CA8: variants seen among roughly 807,000 people sequenced by gnomAD.
CA8 encodes the protein carbonic anhydrase 8 (inactive).
A neutral mutation model predicts 41.4 loss-of-function variants in CA8; 22 were observed. That is an observed-to-expected ratio of 0.53 (90% CI 0.38 to 0.76). The LOEUF (loss-of-function observed/expected upper bound fraction) is 0.76, where lower values mean the gene tolerates loss of function less well. Ranked by LOEUF, CA8 falls within the 30% of genes least tolerant of loss-of-function variation. CA8 has a pLI of 0.00. For missense variants in CA8, 270 were observed against 352.8 expected (o/e 0.77, Z 1.88); for synonymous variants, 121 against 130.6 (o/e 0.93, Z 0.50).
At chr8:60,191,818 T>G (rs1217088930) in intron 8 of CA8, among the ~76,000 whole-genome samples, 1 of 152,152 alleles carries the variant, frequency 6.6e-6, no homozygotes, top group Non-Finnish European at 1.5e-5. Context: ...ACAGTCATTC[T>G]AATCATACGA....
At chr8:60,233,854 C>T (rs1223568558) in intron 3 of CA8, among the ~76,000 whole-genome samples, 1 of 152,140 alleles carries the variant, frequency 6.6e-6, no homozygotes, top group Non-Finnish European at 1.5e-5. Flanking sequence ...TTTCCCTACT[C>T]CCCACAATTC....
chr8:60,196,274 T>C (rs79165587), intron 8 of CA8, among the ~76,000 whole-genome samples: 3,126 of 152,308 alleles, frequency 0.021, 53 homozygotes, highest in Non-Finnish European at 0.033. Flanking sequence ...ATTGCTCACA[T>C]TTAATGCTAA....
chr8:60,270,102 C>T (rs142863135), intron 2 of CA8, among the ~76,000 whole-genome samples: 23 of 152,328 alleles, frequency 1.5e-4, no homozygotes, highest in African/African-American at 5.3e-4. Flanking sequence ...GACATGCAGC[C>T]TATGCTTACG....
intron 5 of CA8, among the ~76,000 whole-genome samples, chr8:60,225,511 T>C (rs1313670724): frequency 4.6e-5 from 7 of 152,180 alleles, no homozygotes; most frequent in Non-Finnish European, 7.3e-5. Context: ...TGTGCCCTTA[T>C]TGTCTTTTTA....
chr8:60,185,924 C>G lies in CA8; in HGVS notation c.*4097G>C, dbSNP rs74539820. Among the ~76,000 whole-genome samples, 59 of 151,846 alleles carry G rather than the reference C, an allele frequency of 3.9e-4. No individual in the cohort carries two copies. The East Asian group carries it at 0.01, about 26-fold the overall frequency. ...CAGTATAAATGCATTTCTTCCTTCT[C>G]TTAAAGAGCAATTGTATAAAATATC... On this transcript the variant is annotated 3_prime_UTR_variant, in exon 9 of 9. Coordinates refer to ENST00000317995, the MANE Select transcript of CA8 (RefSeq NM_004056.6).
chr8:60,240,517 T>C (rs917626031), intron 3 of CA8, among the ~76,000 whole-genome samples: 12 of 152,232 alleles, frequency 7.9e-5, no homozygotes, highest in Non-Finnish European at 1.8e-4. Flanking sequence ...AATAACAGGC[T>C]GCTGTTAAGT....
chr8:60,261,126 G>A (rs1331333422), intron 3 of CA8, among the ~76,000 whole-genome samples: 2 of 151,818 alleles, frequency 1.3e-5, no homozygotes, highest in Non-Finnish European at 1.5e-5. Context: ...CTGGCACAGG[G>A]GCCAAATATA....
chr8:60,258,446 G>C (rs929588184), intron 3 of CA8, among the ~76,000 whole-genome samples: 1 of 152,118 alleles, frequency 6.6e-6, no homozygotes, highest in Admixed American at 6.5e-5. Context: ...AGTTAAGGGG[G>C]TACTACTGTA....
intron 7 of CA8, among the ~76,000 whole-genome samples, chr8:60,216,738 A>G (rs533365486): frequency 3.9e-5 from 6 of 152,304 alleles, no homozygotes; most frequent in Admixed American, 1.3e-4. Flanking sequence ...TATCTACAGG[A>G]TCCGTTAACA....
chr8:60,255,994 C>T (rs1378842538), intron 3 of CA8, among the ~76,000 whole-genome samples: 2 of 151,784 alleles, frequency 1.3e-5, no homozygotes, highest in Non-Finnish European at 2.9e-5. Context: ...CTACAACCTC[C>T]GCCTCCCGGG....
chr8:60,251,678 T>G (rs548740368), intron 3 of CA8, among the ~76,000 whole-genome samples: 1 of 152,340 alleles, frequency 6.6e-6, no homozygotes, highest in Non-Finnish European at 1.5e-5. Context: ...ATACCCCAAA[T>G]AAGAAGGTTA....
intron 8 of CA8, among the ~76,000 whole-genome samples, chr8:60,190,839 T>C (rs1806099731): frequency 6.7e-6 from 1 of 150,324 alleles, no homozygotes; most frequent in Non-Finnish European, 1.5e-5. Context: ...TAAAACAAAA[T>C]AGCCTCCTTT....
chr8:60,193,601 G>C (rs897922792), intron 8 of CA8, among the ~76,000 whole-genome samples: 1 of 152,176 alleles, frequency 6.6e-6, no homozygotes, highest in Admixed American at 6.6e-5. Flanking sequence ...TTTTCCCTCA[G>C]AATTCTGAAG....
intron 2 of CA8, among the ~76,000 whole-genome samples, chr8:60,267,555 C>T (rs1322552392): frequency 6.6e-6 from 1 of 152,128 alleles, no homozygotes; most frequent in Non-Finnish European, 1.5e-5. Flanking sequence ...GGGATAGTCT[C>T]ATCATCAACT....
At chr8:60,190,941 TA>T (rs1806104729) in intron 8 of CA8, among the ~76,000 whole-genome samples, 1 of 51,412 alleles carries the variant, frequency 1.9e-5, no homozygotes, top group Non-Finnish European at 6.8e-5. Flanking sequence ...ACACACACTA[TA>T]TATATATATA....
intron 3 of CA8, among the ~76,000 whole-genome samples, chr8:60,260,021 T>C (rs1046845528): frequency 2.6e-5 from 4 of 152,232 alleles, no homozygotes; most frequent in Admixed American, 6.5e-5. Flanking sequence ...CTCCTCTTAA[T>C]ACAAACCTTT....
At position 60,187,882 on chromosome 8, in the gene CA8, C is replaced by T. The variant is rs563563676; in HGVS notation, c.*2139G>A. On this transcript the variant is annotated 3_prime_UTR_variant, in exon 9 of 9. Transcript: ENST00000317995. ...TACAGGGTCCATCACATAGGTTTTACTTTCTTTCCTATCACACCATCAAAA... is the reference window on the plus strand; with the variant it reads ...TACAGGGTCCATCACATAGGTTTTATTTTCTTTCCTATCACACCATCAAAA... 3 of 152,274 alleles carry T rather than the reference C, an allele frequency of 2.0e-5. No individual in the cohort carries two copies. Among genetic ancestry groups the T allele is most frequent in the African/African-American group, 7.2e-5 (3 of 41,566 alleles). 9.4% of individuals were successfully genotyped at this position (152,274 alleles called of 1,614,324 possible).
intron 8 of CA8, among the ~76,000 whole-genome samples, chr8:60,206,450 T>C (rs1241247682): frequency 6.6e-6 from 1 of 152,120 alleles, no homozygotes; most frequent in African/African-American, 2.4e-5. Context: ...AAACCAAACA[T>C]TCAAGGGAAT....
chr8:60,265,723 G>C (rs984609571), intron 3 of CA8: 1 of 586,348 alleles, frequency 1.7e-6, no homozygotes, highest in Non-Finnish European at 3.0e-6. Flanking sequence ...GTGCTCATGC[G>C]CACACGCCAA....
Sources: gnomAD v4.1 joint callset for allele counts (sites outside exome capture counted in the v4.1 genomes callset) on GRCh38, gnomAD v4.1.1 for gene constraint, MANE v1.5 for transcripts, NCBI Gene and HGNC (gene_info 2026-07-23, HGNC 2026-07-21) for gene names.